ZNF726: variants seen among roughly 807,000 people sequenced by gnomAD.
The protein encoded by ZNF726 is zinc finger protein 92 pseudogene 3.
In ZNF726, 15 loss-of-function variants were observed where a neutral mutation model predicts 11.6. The ratio of observed to expected loss-of-function variants is 1.29; its 90% confidence interval spans 0.86 to 1.99. The LOEUF is 1.99. Among genes scored for constraint, ZNF726 ranks in the 30% most tolerant of loss-of-function variants. The probability of loss-of-function intolerance (pLI) is 0.00; values close to 1 mark genes in which losing one functional copy is unlikely to be tolerated. For synonymous variants in ZNF726, 295 were observed against 243.6 expected, an observed-to-expected ratio of 1.21 and a Z score of -1.96; for missense variants, 890 against 725.6, an observed-to-expected ratio of 1.23 and a Z score of -2.60.
intron 3 of ZNF726, chr19:23,928,036 C>T (rs924133447): frequency 1.3e-5 from 2 of 152,140 alleles, no homozygotes; most frequent in Non-Finnish European, 1.5e-5. Context: ...TAGCTTGGCA[C>T]CATCCTCTCA....
chr19:23,936,933 C>A (rs940040751), downstream of ZNF726, among the ~76,000 whole-genome samples: 9 of 152,034 alleles, frequency 5.9e-5, no homozygotes, highest in East Asian at 1.8e-3. Context: ...TCCACAAAAC[C>A]GCCATTGTCA....
downstream of ZNF726, chr19:23,935,137 C>A (rs918144092): frequency 4.3e-5 from 16 of 371,728 alleles, no homozygotes; most frequent in Admixed American, 9.6e-5. Flanking sequence ...TGTAACCCCA[C>A]GCAAATCTCG....
chr19:23,933,884 G>C lies in ZNF726; in HGVS notation c.1768G>C (p.Glu590Gln). Residue 590 changes from glutamate to glutamine, a missense_variant, in exon 4 of 4, where the codon GAG becomes CAG. Coordinates refer to ENST00000594466, the MANE Select transcript of ZNF726 (RefSeq NM_001244038.2). ...TACGCATAAGATAATTCATACTGGAGAGAAACCTTACAAGTGTGACGAATG... is the reference window on the plus strand; with the variant it reads ...TACGCATAAGATAATTCATACTGGACAGAAACCTTACAAGTGTGACGAATG... ...LSTHKIIHTGEKPYKCDECGK... is the reference protein window; with the variant it reads ...LSTHKIIHTGQKPYKCDECGK... 6.3e-7 allele frequency: 1 copy of C among 1,590,640 alleles called. No homozygotes were observed. Among genetic ancestry groups the C allele is most frequent in the Non-Finnish European group, 8.6e-7 (1 of 1,168,428 alleles).
In ZNF726 at chr19:23,934,438, C is replaced by A. The variant is rs973266858; in HGVS notation, c.*471C>A. The A allele has an allele frequency of 1.7e-5, 7 of 420,014 alleles. No homozygotes were observed. Among genetic ancestry groups the A allele is most frequent in the Non-Finnish European group, 3.4e-5 (7 of 208,696 alleles). The allele number at this position is 420,014 out of a possible 1,614,324, so 26.0% of individuals were successfully genotyped here. ...TTAAGCAGTCTTCAATCCTGAGTAA[C>A]CATAAGATAATTCAAACTGGAAAGA... On this transcript the variant is annotated 3_prime_UTR_variant, in exon 4 of 4. Transcript: ENST00000594466.
chr19:23,943,275 A>G (rs1968366664), intron 3 of ZNF726, among the ~76,000 whole-genome samples: 1 of 152,248 alleles, frequency 6.6e-6, no homozygotes, highest in African/African-American at 2.4e-5. Context: ...ATTAAAATCC[A>G]ATATCCAGGA....
Position 23,933,937 on chromosome 19 carries a change from C to A in ZNF726, c.1821C>A (p.Thr607=). The stretch of plus-strand genomic sequence containing the variant: ...GCAAATCATTTATCTGGTCCTCAAC[C>A]CTTTTTAAGCATAAGAGGATTCATA... The part of the protein sequence containing the change: ...ECGKSFIWSS[T]LFKHKRIHT The change falls in exon 4 of 4, where the codon ACC becomes ACA. Residue 607 remains threonine, a synonymous_variant. Coordinates refer to ENST00000594466, the MANE Select transcript of ZNF726 (RefSeq NM_001244038.2). 1 of 1,581,252 alleles carries A rather than the reference C, an allele frequency of 6.3e-7. No individual in the cohort carries two copies. The highest frequency in any genetic ancestry group is 8.6e-7 in the Non-Finnish European group (1 of 1,163,282).
chr19:23,919,542 C>T, intron 2 of ZNF726, 43 bp downstream of exon 2: 5 of 1,528,514 alleles, frequency 3.3e-6, no homozygotes, highest in Non-Finnish European at 3.5e-6. Context: ...TAAACTAAAG[C>T]TTTTATTTTT....
downstream of ZNF726, among the ~76,000 whole-genome samples, chr19:23,939,400 A>G (rs1021333497): frequency 3.3e-5 from 5 of 152,262 alleles, no homozygotes; most frequent in South Asian, 6.2e-4. Context: ...CACGAGTTCA[A>G]AATTGTGAAT....
At chr19:23,927,097 C>G (rs981418684) in intron 3 of ZNF726, among the ~76,000 whole-genome samples, 1 of 151,998 alleles carries the variant, frequency 6.6e-6, no homozygotes, top group African/African-American at 2.4e-5. Context: ...CCTGTCTCAA[C>G]TTCCAGAGTA....
downstream of ZNF726, among the ~76,000 whole-genome samples, chr19:23,939,183 A>G (rs988405936): frequency 1.3e-5 from 2 of 148,886 alleles, no homozygotes; most frequent in East Asian, 4.0e-4. Context: ...TTGCATTCTC[A>G]TATCTTACCT....
intron 1 of ZNF726, among the ~76,000 whole-genome samples, chr19:23,918,206 A>C (rs1038735482): frequency 6.6e-6 from 1 of 152,206 alleles, no homozygotes. Context: ...GGAAGGGGGA[A>C]CACAGAGAGT....
In ZNF726 at chr19:23,918,388, G is replaced by A. The variant is rs368012524; in HGVS notation, c.4-985G>A. On this transcript the variant is annotated intron_variant, in intron 1 of 3. Coordinates refer to ENST00000594466, the MANE Select transcript of ZNF726 (RefSeq NM_001244038.2). The stretch of plus-strand genomic sequence containing the variant: ...CCCAGAAAGTTCTGAAAAAACTGTC[G>A]GGAGATACCTGCTTATTAGGGTGCT... 1.4e-4 allele frequency among the ~76,000 whole-genome samples: 22 copies of A among 152,174 alleles called. No homozygotes were observed. In the East Asian group the frequency reaches 3.7e-3, roughly 25 times the overall value.
At chr19:23,938,333 G>T (rs959192350), downstream of ZNF726, among the ~76,000 whole-genome samples, 99 of 152,092 alleles carry the variant, frequency 6.5e-4, no homozygotes, top group Admixed American at 2.2e-3. Context: ...TTGTGTTAGT[G>T]TAAGTTTGAA....
intron 3 of ZNF726, among the ~76,000 whole-genome samples, chr19:23,931,405 A>C (rs1372743680): frequency 1.3e-5 from 2 of 151,860 alleles, no homozygotes; most frequent in African/African-American, 4.8e-5. Context: ...TCTCGTCCTC[A>C]TTTTTGTGAT....
At chr19:23,920,327 C>G in intron 3 of ZNF726, 1 of 271,074 alleles carries the variant, frequency 3.7e-6, no homozygotes, top group Admixed American at 4.8e-5. Context: ...AAGTACTGTT[C>G]ATGGCATATA....
chr19:23,935,098 CA>C (rs146014127), downstream of ZNF726: 468 of 354,032 alleles, frequency 1.3e-3, 2 homozygotes, highest in African/African-American at 8.9e-3. Context: ...TGCTTCTGCC[CA>C]GGGGCAAGGC....
At position 23,933,163 on chromosome 19, in the gene ZNF726, T is replaced by A; in HGVS notation, c.1047T>A (p.Ala349=). 1 of 1,598,362 alleles carries A rather than the reference T, an allele frequency of 6.3e-7. No individual in the cohort carries two copies. The highest frequency in any genetic ancestry group is 8.5e-7 in the Non-Finnish European group (1 of 1,172,464). ...ACAAATGTGAAGAATGTGCCAAAGC[T>A]TTTAGCCAATTCGGACACCTTACTA... The part of the protein sequence containing the change: ...KPYKCEECAK[A]FSQFGHLTTH... Residue 349 remains alanine (A), a synonymous_variant, in exon 4 of 4, where the codon GCT becomes GCA. Transcript: ENST00000594466.
downstream of ZNF726, among the ~76,000 whole-genome samples, chr19:23,937,719 C>A (rs185006415): frequency 3.9e-5 from 6 of 151,968 alleles, no homozygotes; most frequent in Non-Finnish European, 8.8e-5. Flanking sequence ...CAGGTAGAGA[C>A]GCTCCTCACT....
At chr19:23,941,890 C>T (rs1182881989) in intron 3 of ZNF726, among the ~76,000 whole-genome samples, 2 of 152,056 alleles carry the variant, frequency 1.3e-5, no homozygotes, top group Non-Finnish European at 2.9e-5. Context: ...TGCTAATGGC[C>T]TATCAATTTT....
Sources: allele counts gnomAD v4.1 joint callset (sites outside exome capture counted in the v4.1 genomes callset), GRCh38; gene constraint gnomAD v4.1.1; transcripts MANE v1.5; gene names NCBI Gene and HGNC (gene_info 2026-07-23, HGNC 2026-07-21).